The following RAB27A variants were observed in gnomAD, a reference collection of about 807,000 sequenced individuals.
RAB27A encodes the protein ras-related protein Rab-27A.
In RAB27A, 17 loss-of-function variants were observed where a neutral mutation model predicts 20.8. That is an observed-to-expected ratio of 0.82 (90% CI 0.56 to 1.23). The LOEUF is 1.23. Among genes scored for constraint, RAB27A ranks in the 50% most tolerant of loss-of-function variants. The probability of loss-of-function intolerance (pLI) is 0.00; values close to 1 mark genes in which losing one functional copy is unlikely to be tolerated. For missense variants in RAB27A, 277 were observed against 266.7 expected (o/e 1.04, Z -0.27); for synonymous variants, 85 against 92.8 (o/e 0.92, Z 0.48).
At chr15:55,313,153 C>T (rs1480036721) in intron 2 of RAB27A, among the ~76,000 whole-genome samples, 6 of 152,294 alleles carry the variant, frequency 3.9e-5, no homozygotes, top group East Asian at 1.9e-4. Context: ...CAGTGGCTGA[C>T]GCCTAGAATC....
intron 6 of RAB27A, among the ~76,000 whole-genome samples, chr15:55,212,550 G>A (rs892783723): frequency 1.8e-5 from 1 of 56,556 alleles, no homozygotes; most frequent in Non-Finnish European, 3.3e-5. Context: ...TTTTTTTTTT[G>A]AGACAGTCTC....
At chr15:55,216,707 A>G (rs1315966131) in intron 6 of RAB27A, among the ~76,000 whole-genome samples, 3 of 152,200 alleles carry the variant, frequency 2.0e-5, no homozygotes, top group Non-Finnish European at 4.4e-5. Flanking sequence ...TAGCTGATCT[A>G]TAAAATCTAC....
At chr15:55,308,105 C>A (rs1463824130) in intron 2 of RAB27A, among the ~76,000 whole-genome samples, 1 of 152,126 alleles carries the variant, frequency 6.6e-6, no homozygotes, top group Non-Finnish European at 1.5e-5. Context: ...ACTACGGGTC[C>A]TTTTATAAGC....
At chr15:55,235,104 T>C (rs1896201980) in intron 2 of RAB27A, 148 bp from the exon 3 acceptor site, 1 of 665,908 alleles carries the variant, frequency 1.5e-6, no homozygotes, top group Non-Finnish European at 2.6e-6. Context: ...ATACATATTG[T>C]TCACCATCCT....
intron 2 of RAB27A, among the ~76,000 whole-genome samples, chr15:55,257,457 C>T (rs1033563547): frequency 2.0e-5 from 3 of 152,214 alleles, no homozygotes; most frequent in Non-Finnish European, 2.9e-5. Context: ...CTCAGCCAAA[C>T]TCAATTACAC....
intron 2 of RAB27A, among the ~76,000 whole-genome samples, chr15:55,253,713 G>A (rs113828751): frequency 6.6e-6 from 1 of 151,544 alleles, no homozygotes; most frequent in South Asian, 2.1e-4. Flanking sequence ...GCAAGAGGGT[G>A]ACTCAGAAAG....
chr15:55,213,325 T>A, intron 6 of RAB27A, among the ~76,000 whole-genome samples: 1 of 152,246 alleles, frequency 6.6e-6, no homozygotes, highest in Non-Finnish European at 1.5e-5. Context: ...CAATTTACCT[T>A]ACTCTTTTAT....
At chr15:55,209,989 T>C (rs962077718) in intron 6 of RAB27A, among the ~76,000 whole-genome samples, 1 of 137,168 alleles carries the variant, frequency 7.3e-6, no homozygotes. Flanking sequence ...TGTACATATA[T>C]ACGCATATAT....
chr15:55,253,344 G>C (rs1177824463), intron 2 of RAB27A, among the ~76,000 whole-genome samples: 1 of 151,416 alleles, frequency 6.6e-6, no homozygotes, highest in Non-Finnish European at 1.5e-5. Context: ...CTACCCCAGA[G>C]GCTAAGGCAG....
chr15:55,210,293 A>C (rs1291188078), intron 6 of RAB27A, among the ~76,000 whole-genome samples: 1 of 138,658 alleles, frequency 7.2e-6, no homozygotes, highest in Non-Finnish European at 1.5e-5. Flanking sequence ...TTTTTTTTTT[A>C]AGAACATCCA....
At chr15:55,318,092 CT>C (rs1566943969) in intron 1 of RAB27A, among the ~76,000 whole-genome samples, 1 of 140,628 alleles carries the variant, frequency 7.1e-6, no homozygotes, top group Non-Finnish European at 1.5e-5. Flanking sequence ...TAAATGCATA[CT>C]TTTTCTTTTT....
At chr15:55,269,416 T>C (rs1232846035) in intron 2 of RAB27A, among the ~76,000 whole-genome samples, 1 of 152,184 alleles carries the variant, frequency 6.6e-6, no homozygotes, top group African/African-American at 2.4e-5. Flanking sequence ...ATAAACCTTA[T>C]ACTAAAACAC....
chr15:55,305,015 C>T (rs769016466), intron 2 of RAB27A, among the ~76,000 whole-genome samples: 4 of 152,140 alleles, frequency 2.6e-5, no homozygotes, highest in African/African-American at 7.2e-5. Context: ...TGCTCTCAGG[C>T]GATAGATGAT....
chr15:55,238,922 C>G (rs1896373500), intron 2 of RAB27A, among the ~76,000 whole-genome samples: 1 of 152,104 alleles, frequency 6.6e-6, no homozygotes, highest in South Asian at 2.1e-4. Flanking sequence ...GAATCTGGTT[C>G]ATATTATTTT....
intron 6 of RAB27A, among the ~76,000 whole-genome samples, chr15:55,211,391 G>C (rs1895019257): frequency 6.6e-6 from 1 of 152,084 alleles, no homozygotes; most frequent in African/African-American, 2.4e-5. Flanking sequence ...CAAAAGTATG[G>C]AATATTTTTC....
chr15:55,262,816 A>C (rs561152745), intron 2 of RAB27A, among the ~76,000 whole-genome samples: 120 of 152,078 alleles, frequency 7.9e-4, no homozygotes, highest in Admixed American at 1.0e-3. Flanking sequence ...CAGCCTTCTA[A>C]AGTGCTGGGA....
chr15:55,271,962 C>G (rs1897721369), intron 1 of RAB27A, among the ~76,000 whole-genome samples: 1 of 152,200 alleles, frequency 6.6e-6, no homozygotes, highest in Non-Finnish European at 1.5e-5. Context: ...ACGAAAATCT[C>G]ATGAAAATGC....
Position 55,225,709 on chromosome 15 carries a change from T to C in RAB27A, c.344-1697A>G, listed in dbSNP as rs80259957. ...GGAAGTGTGATTATTGGTGATTTCT[T>C]CTTTTTGTCTCATTTTTCCTAATTT... On this transcript the variant is annotated intron_variant, in intron 5 of 6. Coordinates refer to ENST00000336787, the MANE Select transcript of RAB27A (RefSeq NM_183235.3). Among the ~76,000 whole-genome samples the C allele has an allele frequency of 2.4e-3, 360 of 152,352 alleles. 5 individuals are homozygous for C. Among genetic ancestry groups the C allele is most frequent in the African/African-American group, 7.4e-3 (309 of 41,592 alleles).
chr15:55,266,934 T>C (rs75262242), intron 2 of RAB27A, among the ~76,000 whole-genome samples: 1,808 of 152,298 alleles, frequency 0.012, 26 homozygotes, highest in African/African-American at 0.041. Context: ...TGAATTTTAG[T>C]GTCATCAACA....
Sources: allele counts gnomAD v4.1 joint callset (sites outside exome capture counted in the v4.1 genomes callset), GRCh38; gene constraint gnomAD v4.1.1; transcripts MANE v1.5; gene names NCBI Gene and HGNC (gene_info 2026-07-23, HGNC 2026-07-21).